POFUT2: variants seen among roughly 807,000 people sequenced by gnomAD.
POFUT2 encodes protein O-fucosyltransferase 2.
In POFUT2, 30 loss-of-function variants were observed where a neutral mutation model predicts 55.0. That is an observed-to-expected ratio of 0.55 (90% confidence interval 0.41 to 0.74). POFUT2 has a LOEUF of 0.74. Ranked by LOEUF, POFUT2 falls within the 30% of genes least tolerant of loss-of-function variation. The pLI is 0.00. For missense variants in POFUT2, 524 were observed against 562.6 expected (o/e 0.93, Z 0.69); for synonymous variants, 267 against 231.1 (o/e 1.16, Z -1.41).
In POFUT2 at chr21:45,270,480, C is replaced by A. The variant is rs564901543; in HGVS notation, c.832-461G>T. ...CTACAGCAAATTCTAACCAACAACC[C>A]TGCTCCAAGGAAGGAGAAAGCAACA... is the stretch of plus-strand genomic sequence containing the variant. On this transcript the variant is annotated intron_variant, in intron 6 of 8. Transcript: ENST00000349485. The surrounding 1 kb of genome is among the most constrained non-coding windows in gnomAD (Gnocchi z 4.6). Among the ~76,000 whole-genome samples, 3 of 152,350 alleles carry A rather than the reference C, an allele frequency of 2.0e-5. No homozygotes were observed. Among genetic ancestry groups the A allele is most frequent in the Middle Eastern group, 3.4e-3 (1 of 294 alleles).
At chr21:45,266,048 G>A in intron 8 of POFUT2, 2 of 1,228,928 alleles carry the variant, frequency 1.6e-6, no homozygotes, top group African/African-American at 1.5e-5. Context: ...AGGGCATGGC[G>A]GGTCCTTATC....
In POFUT2 at chr21:45,277,199, C is replaced by T. The variant is rs1414991024; in HGVS notation, c.706-57G>A. On this transcript the variant is annotated intron_variant, in intron 5 of 8. Transcript: ENST00000349485. The surrounding 1 kb of genome is among the most constrained non-coding windows in gnomAD (Gnocchi z 6.9). ...ACGCCCGCCCGCCACGCAGCCCTCC[C>T]GGAGCGGGTTCTCCTGTCGCTGCCA... is the stretch of plus-strand genomic sequence containing the variant. 24 of 1,587,068 alleles carry T rather than the reference C, an allele frequency of 1.5e-5. No individual in the cohort carries two copies. The highest frequency in any genetic ancestry group is 1.8e-5 in the Non-Finnish European group (21 of 1,169,658).
intron 6 of POFUT2, 63 bp downstream of exon 6, chr21:45,276,954 A>G: frequency 6.4e-7 from 1 of 1,564,898 alleles, no homozygotes; most frequent in Non-Finnish European, 8.8e-7. Context: ...GGAAGGCCTG[A>G]GTGTGGGGCA....
chr21:45,279,864 C>T (rs2030381165), intron 4 of POFUT2, among the ~76,000 whole-genome samples: 1 of 152,214 alleles, frequency 6.6e-6, no homozygotes, highest in East Asian at 1.9e-4. Context: ...AAAGGGCAAA[C>T]TGAAAACCGC....
intron 8 of POFUT2, chr21:45,266,826 A>G: frequency 1.0e-6 from 1 of 1,003,816 alleles, no homozygotes; most frequent in Non-Finnish European, 1.2e-6. Flanking sequence ...GCGTGTGCAC[A>G]GTGCTAACCA....
intron 6 of POFUT2, among the ~76,000 whole-genome samples, chr21:45,274,621 A>G (rs1036453813): frequency 6.6e-6 from 1 of 152,238 alleles, no homozygotes; most frequent in African/African-American, 2.4e-5. Flanking sequence ...AGGTACCTAG[A>G]CCAGTGGAGC....
At chr21:45,278,295 A>T in intron 4 of POFUT2, 126 bp from the exon 5 acceptor site, 2 of 819,040 alleles carry the variant, frequency 2.4e-6, no homozygotes, top group Non-Finnish European at 4.2e-6. Flanking sequence ...GAGGGACACT[A>T]ACCAGGGCGC....
At chr21:45,278,505 C>G (rs1191126373) in intron 4 of POFUT2, among the ~76,000 whole-genome samples, 3 of 152,166 alleles carry the variant, frequency 2.0e-5, no homozygotes, top group Non-Finnish European at 4.4e-5. Flanking sequence ...TGCAGGCGTG[C>G]CTGAGGAGGG....
Position 45,267,461 on chromosome 21 carries a change from A to C in POFUT2, c.1136+129T>G. On this transcript the variant is annotated intron_variant, in intron 8 of 8. Transcript: ENST00000349485. The surrounding 1 kb of genome is among the most constrained non-coding windows in gnomAD (Gnocchi z 4.4). ...GATGCTACAGGAGACTCAGACGAGG[A>C]GGCAAACAGTATGGAAATGACCACT... 1 of 1,614,042 alleles carries C rather than the reference A, an allele frequency of 6.2e-7. No homozygotes were observed. Among genetic ancestry groups the C allele is most frequent in the South Asian group, 1.1e-5 (1 of 91,078 alleles).
intron 6 of POFUT2, among the ~76,000 whole-genome samples, chr21:45,272,230 A>G (rs2093224715): frequency 6.6e-6 from 1 of 152,216 alleles, no homozygotes; most frequent in Non-Finnish European, 1.5e-5. Flanking sequence ...CTCCATGCAA[A>G]TGGACACCAA....
intron 4 of POFUT2, 23 bp from the exon 5 acceptor site, chr21:45,278,192 T>A (rs1367038994): frequency 6.3e-7 from 1 of 1,582,998 alleles, no homozygotes; most frequent in Non-Finnish European, 8.7e-7. Flanking sequence ...AACAGAAGAA[T>A]AAACAGTTAT....
rs1365941822 is a variant in POFUT2, at chr21:45,267,096, C to G, written c.1136+494G>C. ...GCCTCGGGGACGCTCACGGCAGCCC[C>G]ACAAGAACGATCACACGAGGGCCCA... On this transcript the variant is annotated intron_variant, in intron 8 of 8. Coordinates refer to ENST00000349485, the MANE Select transcript of POFUT2 (RefSeq NM_133635.6). The surrounding 1 kb of genome is among the most constrained non-coding windows in gnomAD (Gnocchi z 4.4). 1.8e-6 allele frequency: 2 copies of G among 1,134,428 alleles called. No homozygotes were observed. Among genetic ancestry groups the G allele is most frequent in the Non-Finnish European group, 2.2e-6 (2 of 921,290 alleles). 70.3% of individuals were successfully genotyped at this position (1,134,428 alleles called of 1,614,324 possible).
intron 4 of POFUT2, among the ~76,000 whole-genome samples, chr21:45,280,961 A>G (rs2030563477): frequency 6.6e-6 from 1 of 152,238 alleles, no homozygotes; most frequent in African/African-American, 2.4e-5. Flanking sequence ...TGGCTTTACC[A>G]ATCTTTCTTT....
intron 6 of POFUT2, among the ~76,000 whole-genome samples, chr21:45,276,021 T>C (rs2093259908): frequency 6.6e-6 from 1 of 152,192 alleles, no homozygotes; most frequent in South Asian, 2.1e-4. Flanking sequence ...AAATCCTGTC[T>C]GTACTCAAAA....
rs2093212574 is a variant in POFUT2, at chr21:45,270,800, A to T, written c.832-781T>A. 6.6e-6 allele frequency among the ~76,000 whole-genome samples: 1 copy of T among 152,206 alleles called. No individual in the cohort carries two copies. Among genetic ancestry groups the T allele is most frequent in the Non-Finnish European group, 1.5e-5 (1 of 68,036 alleles). ...GGGTGGCTAGACCCAGAAGAGCAAT[A>T]ACAATCACTGCAGCCCAGCTCTCAG... is the stretch of plus-strand genomic sequence containing the variant. On this transcript the variant is annotated intron_variant, in intron 6 of 8. Transcript: ENST00000349485. This position sits in a 1 kb window ranked among gnomAD's most constrained non-coding sequence, Gnocchi z 4.6.
Position 45,265,853 on chromosome 21 carries a change from T to C in POFUT2, c.1137-218A>G. 2.9e-6 allele frequency: 4 copies of C among 1,383,080 alleles called. No individual in the cohort carries two copies. Among genetic ancestry groups the C allele is most frequent in the Non-Finnish European group, 3.8e-6 (4 of 1,066,280 alleles). 85.7% of individuals were successfully genotyped at this position (1,383,080 alleles called of 1,614,324 possible). On this transcript the variant is annotated intron_variant, in intron 8 of 8. Coordinates refer to ENST00000349485, the MANE Select transcript of POFUT2 (RefSeq NM_133635.6). The surrounding 1 kb of genome is among the most constrained non-coding windows in gnomAD (Gnocchi z 4.6). ...CGGCGCCCTGAGGGGCTCTGCCTGG[T>C]GCTGCAGCCCCATCCACACCCCACA...
rs2030675562 is a variant in POFUT2 at position 45,281,809 on chromosome 21, C to T, written c.638+540G>A. On this transcript the variant is annotated intron_variant, in intron 4 of 8. Transcript: ENST00000349485. This position sits in a 1 kb window ranked among gnomAD's most constrained non-coding sequence, Gnocchi z 5.0. ...GAACGTGGCCATCAACAATTCCCTC[C>T]AGAGTTTACGACATCATCAGGTACT... Among the ~76,000 whole-genome samples the T allele has an allele frequency of 6.6e-6, 1 of 152,058 alleles. No individual in the cohort carries two copies. The highest frequency in any genetic ancestry group is 2.4e-5 in the African/African-American group (1 of 41,398).
At chr21:45,272,066 T>G (rs2093223568) in intron 6 of POFUT2, among the ~76,000 whole-genome samples, 1 of 152,090 alleles carries the variant, frequency 6.6e-6, no homozygotes, top group African/African-American at 2.4e-5. Flanking sequence ...AATACCAAAG[T>G]TGAATGTAAA....
At chr21:45,269,144 G>A (rs1408687708) in intron 7 of POFUT2, among the ~76,000 whole-genome samples, 2 of 140,536 alleles carry the variant, frequency 1.4e-5, no homozygotes, top group Admixed American at 7.1e-5. Flanking sequence ...CCGGCCAGCC[G>A]CCCCGTCTGG....
Sources: gnomAD v4.1 joint callset for allele counts (sites outside exome capture counted in the v4.1 genomes callset) on GRCh38, gnomAD v4.1.1 for gene constraint, Gnocchi (gnomAD v3.1) non-coding constraint, MANE v1.5 for transcripts, NCBI Gene and HGNC (gene_info 2026-07-23, HGNC 2026-07-21) for gene names.